Variants in PCDHGA2 observed in about 807,000 individuals in gnomAD.
PCDHGA2 encodes protocadherin gamma subfamily A, 2, also known as protocadherin gamma-A2.
In PCDHGA2, 40 loss-of-function variants were observed where a neutral mutation model predicts 59.2. The observed-to-expected ratio is 0.68, with a 90% CI of 0.52 to 0.88. The LOEUF (loss-of-function observed/expected upper bound fraction) is 0.88, where lower values mean the gene tolerates loss of function less well. Among genes scored for constraint, PCDHGA2 ranks in the 40% least tolerant of loss-of-function variants. PCDHGA2 has a pLI of 0.00. For synonymous variants in PCDHGA2, 560 were observed against 526.0 expected (o/e 1.06, Z -0.89); for missense variants, 1,226 against 1,204.0 (o/e 1.02, Z -0.27).
intron 1 of PCDHGA2, among the ~76,000 whole-genome samples, chr5:141,453,315 T>A (rs1410108522): frequency 6.6e-6 from 1 of 151,214 alleles, no homozygotes; most frequent in African/African-American, 2.5e-5. Context: ...TTATTTATTT[T>A]AGAGATGGGG....
intron 1 of PCDHGA2, chr5:141,384,121 A>G (rs1779757093): frequency 1.2e-6 from 2 of 1,609,374 alleles, no homozygotes; most frequent in African/African-American, 1.3e-5. Context: ...GGTCACAACC[A>G]AAAACTTGGA....
chr5:141,505,803 C>T (rs920849273), intron 3 of PCDHGA2, among the ~76,000 whole-genome samples: 29 of 152,116 alleles, frequency 1.9e-4, no homozygotes, highest in African/African-American at 6.5e-4. Flanking sequence ...GGACTTGGAT[C>T]GACTTGCTCA....
At chr5:141,466,871 T>C (rs1432611218) in intron 1 of PCDHGA2, among the ~76,000 whole-genome samples, 2 of 152,166 alleles carry the variant, frequency 1.3e-5, no homozygotes, top group African/African-American at 4.8e-5. Flanking sequence ...ATCCACACAT[T>C]TTTTTCATAA....
rs202006594 is a variant in PCDHGA2 at position 141,477,618 on chromosome 5, C to G, written c.2425-17189C>G. On this transcript the variant is annotated intron_variant, in intron 1 of 3. Coordinates refer to ENST00000394576, the MANE Select transcript of PCDHGA2 (RefSeq NM_018915.4). The surrounding 1 kb of genome is among the most constrained non-coding windows in gnomAD (Gnocchi z 4.9). ...TCTTTCTTTCTCTTGGAGCAAGGAGCTGAAACCGGGCTAGTGGGTCGCTAT... is the reference window on the plus strand; with the variant it reads ...TCTTTCTTTCTCTTGGAGCAAGGAGGTGAAACCGGGCTAGTGGGTCGCTAT... 6.2e-7 allele frequency: 1 copy of G among 1,614,176 alleles called. No individual in the cohort carries two copies. Among genetic ancestry groups the G allele is most frequent in the East Asian group, 2.2e-5 (1 of 44,890 alleles).
chr5:141,427,287 A>G (rs1030754713), intron 1 of PCDHGA2: 2 of 456,716 alleles, frequency 4.4e-6, no homozygotes, highest in African/African-American at 4.0e-5. Flanking sequence ...TATACTAGAA[A>G]TCCTAGATGA....
intron 1 of PCDHGA2, chr5:141,352,052 G>A: frequency 6.2e-7 from 1 of 1,607,078 alleles, no homozygotes; most frequent in Non-Finnish European, 8.5e-7. Flanking sequence ...AGGACACAAC[G>A]CTTGGCTGTC....
chr5:141,372,268 A>T (rs374647960), intron 1 of PCDHGA2: 26 of 1,613,010 alleles, frequency 1.6e-5, no homozygotes, highest in Non-Finnish European at 1.9e-5. Flanking sequence ...CGCACGGGTG[A>T]GGTGCGCACG....
chr5:141,387,559 A>G, intron 1 of PCDHGA2: 1 of 421,914 alleles, frequency 2.4e-6, no homozygotes, highest in South Asian at 5.1e-5. Flanking sequence ...TCAGTTAGGC[A>G]CACAATTATA....
intron 1 of PCDHGA2, among the ~76,000 whole-genome samples, chr5:141,457,465 A>G (rs915755113): frequency 1.3e-5 from 2 of 152,194 alleles, no homozygotes; most frequent in African/African-American, 2.4e-5. Context: ...GATTCACAGG[A>G]ATAAGCAGGG....
At position 141,486,257 on chromosome 5, in the gene PCDHGA2, A is replaced by C; in HGVS notation, c.2425-8550A>C. 6.2e-7 allele frequency: 1 copy of C among 1,614,032 alleles called. No individual in the cohort carries two copies. The highest frequency in any genetic ancestry group is 8.5e-7 in the Non-Finnish European group (1 of 1,179,982). On this transcript the variant is annotated intron_variant, in intron 1 of 3. Transcript: ENST00000394576. The surrounding 1 kb of genome is among the most constrained non-coding windows in gnomAD (Gnocchi z 5.0). ...CTCAGAGCTTGGAACCCTCCCCGAG[A>C]GTGCAGAACCTGGCACTGTGGTGGC... is the stretch of plus-strand genomic sequence containing the variant.
At position 141,340,344 on chromosome 5, in the gene PCDHGA2, C is replaced by A; in HGVS notation, c.1373C>A (p.Ser458Tyr). 5 of 1,614,198 alleles carry A rather than the reference C, an allele frequency of 3.1e-6. No individual in the cohort carries two copies. Among genetic ancestry groups the A allele is most frequent in the Non-Finnish European group, 4.2e-6 (5 of 1,180,034 alleles). The part of the protein sequence containing the change: ...NAPAFSRTSY[S>Y]TYIPENNPRG... ...CCCGCCTTCTCCCGCACATCCTACT[C>A]CACCTACATTCCCGAAAACAACCCC... Residue 458 changes from serine (S) to tyrosine (Y), a missense_variant, in exon 1 of 4, where the codon TCC becomes TAC. By Grantham distance (144) the Ser-to-Tyr change is moderately radical. Coordinates refer to ENST00000394576, the MANE Select transcript of PCDHGA2 (RefSeq NM_018915.4).
intron 1 of PCDHGA2, chr5:141,362,415 A>T: frequency 6.2e-7 from 1 of 1,614,024 alleles, no homozygotes; most frequent in Non-Finnish European, 8.5e-7. Context: ...CCTCACAATC[A>T]GCCAAGACAG....
At chr5:141,418,572 A>G (rs777784393) in intron 1 of PCDHGA2, 5 of 1,613,794 alleles carry the variant, frequency 3.1e-6, no homozygotes, top group Non-Finnish European at 4.2e-6. Flanking sequence ...GCCAATGACA[A>G]CCCCCCAGTG....
At chr5:141,409,589 G>A (rs1487343349) in intron 1 of PCDHGA2, 12 of 1,613,758 alleles carry the variant, frequency 7.4e-6, no homozygotes, top group East Asian at 4.5e-5. Flanking sequence ...CCACGTGGCC[G>A]AGAACAACCC....
In PCDHGA2 at chr5:141,455,477, C is replaced by T. The variant is rs557286491; in HGVS notation, c.2425-39330C>T. On this transcript the variant is annotated intron_variant, in intron 1 of 3. Coordinates refer to ENST00000394576, the MANE Select transcript of PCDHGA2 (RefSeq NM_018915.4). ...TACCAGCCAGGTATATATGCAGAGG[C>T]TGGTGGAGGTGATGTCTGATTTGCA... Among the ~76,000 whole-genome samples the T allele has an allele frequency of 1.2e-4, 18 of 152,252 alleles. No homozygotes were observed. The South Asian group carries it at 3.7e-3, about 32-fold the overall frequency.
Position 141,431,473 on chromosome 5 carries a change from C to A in PCDHGA2, c.2425-63334C>A, listed in dbSNP as rs750300971. 16 of 1,613,714 alleles carry A rather than the reference C, an allele frequency of 9.9e-6. 1 individual carries two copies. The highest frequency in any genetic ancestry group is 9.3e-5 in the African/African-American group (7 of 74,948). On this transcript the variant is annotated intron_variant, in intron 1 of 3. Transcript: ENST00000394576. This position sits in a 1 kb window ranked among gnomAD's most constrained non-coding sequence, Gnocchi z 4.8. Reference sequence around the variant, plus strand: ...TGATGGTTCTGGATGCGAACGACAACGCACCAGCGTTTGCTCAGCCCGAGT... The same window carrying A: ...TGATGGTTCTGGATGCGAACGACAAAGCACCAGCGTTTGCTCAGCCCGAGT...
intron 1 of PCDHGA2, chr5:141,403,943 A>T: frequency 6.2e-7 from 1 of 1,613,934 alleles, no homozygotes; most frequent in Non-Finnish European, 8.5e-7. Context: ...GAAAGGGTGG[A>T]CAAAAGTGCT....
At chr5:141,394,584 G>A in intron 1 of PCDHGA2, 1 of 1,613,902 alleles carries the variant, frequency 6.2e-7, no homozygotes. Context: ...GGTGACCAAG[G>A]TGGTGGCGGT....
chr5:141,393,744 G>T (rs770821376), intron 1 of PCDHGA2: 3 of 1,613,868 alleles, frequency 1.9e-6, no homozygotes, highest in South Asian at 2.2e-5. Context: ...AGATTATGAA[G>T]AATGTTCATT....
Sources: gnomAD v4.1 joint callset for allele counts (sites outside exome capture counted in the v4.1 genomes callset) on GRCh38, gnomAD v4.1.1 for gene constraint, Gnocchi (gnomAD v3.1) non-coding constraint, MANE v1.5 for transcripts, NCBI Gene and HGNC (gene_info 2026-07-23, HGNC 2026-07-21) for gene names.